The following LGR6 variants were observed in gnomAD, a reference collection of about 807,000 sequenced individuals.
LGR6 encodes the protein leucine-rich repeat-containing G protein-coupled receptor 6.
In LGR6, 45 loss-of-function variants were observed where a neutral mutation model predicts 69.4. The observed-to-expected ratio is 0.65, with a 90% CI of 0.51 to 0.83. The LOEUF (loss-of-function observed/expected upper bound fraction) is 0.83. Among genes scored for constraint, LGR6 ranks in the 40% least tolerant of loss-of-function variants. LGR6 has a pLI of 0.00. For missense variants in LGR6, 1,108 were observed against 1,246.7 expected, an observed-to-expected ratio of 0.89 and a Z score of 1.68; for synonymous variants, 538 against 555.0, an observed-to-expected ratio of 0.97 and a Z score of 0.43.
At chr1:202,215,513 TG>T (rs1217005184) in intron 1 of LGR6, among the ~76,000 whole-genome samples, 4 of 152,106 alleles carry the variant, frequency 2.6e-5, no homozygotes, top group Non-Finnish European at 4.4e-5. Context: ...CCCTCCTAGA[TG>T]GAGCTGGAGA....
chr1:202,240,106 C>G (rs2148017391), intron 4 of LGR6, among the ~76,000 whole-genome samples: 1 of 152,268 alleles, frequency 6.6e-6, no homozygotes, highest in South Asian at 2.1e-4. Context: ...GGCGCAGTGG[C>G]TCACGCCTGT....
chr1:202,212,513 C>T (rs1659500870), intron 1 of LGR6, among the ~76,000 whole-genome samples: 2 of 152,212 alleles, frequency 1.3e-5, no homozygotes, highest in Non-Finnish European at 2.9e-5. Context: ...AGCAGGGCCA[C>T]ATTCCTGTCA....
chr1:202,194,710 G>GGGGGC, intron 1 of LGR6: 8 of 271,648 alleles, frequency 2.9e-5, no homozygotes, highest in Non-Finnish European at 4.5e-5. Context: ...GGGGGCGGGG[G>GGGGGC]GGGCGGGTTT....
intron 9 of LGR6, among the ~76,000 whole-genome samples, chr1:202,302,375 G>A (rs1277730119): frequency 6.6e-6 from 1 of 152,054 alleles, no homozygotes; most frequent in Non-Finnish European, 1.5e-5. Context: ...TCAGATTCTG[G>A]GCTCATTTCT....
Position 202,224,007 on chromosome 1 carries a change from C to T in LGR6, c.213-1416C>T, listed in dbSNP as rs566008826. Among the ~76,000 whole-genome samples the T allele has an allele frequency of 3.8e-3, 576 of 152,048 alleles. 4 individuals are homozygous for T. Among genetic ancestry groups the T allele is most frequent in the African/African-American group, 0.013 (546 of 41,516 alleles). Reference sequence around the variant, plus strand: ...AGCTCACTTAATCTTTACAAGCACCCTACCAGCTTGGTGCTGCCCTATTTT... The same window carrying T: ...AGCTCACTTAATCTTTACAAGCACCTTACCAGCTTGGTGCTGCCCTATTTT... On this transcript the variant is annotated intron_variant, in intron 1 of 17. Coordinates refer to ENST00000367278, the MANE Select transcript of LGR6 (RefSeq NM_001017403.2).
chr1:202,286,951 G>T (rs540123874), intron 6 of LGR6, among the ~76,000 whole-genome samples: 443 of 152,186 alleles, frequency 2.9e-3, no homozygotes, highest in Middle Eastern at 6.8e-3. Context: ...CTGGCAATGG[G>T]GACAAAACTT....
At chr1:202,244,948 G>C (rs1662524189) in intron 4 of LGR6, among the ~76,000 whole-genome samples, 1 of 152,210 alleles carries the variant, frequency 6.6e-6, no homozygotes, top group Non-Finnish European at 1.5e-5. Context: ...GGTTGGAGAA[G>C]GGAGCAACAG....
intron 9 of LGR6, 51 bp downstream of exon 9, chr1:202,301,286 C>T: frequency 1.4e-6 from 2 of 1,440,234 alleles, no homozygotes; most frequent in Non-Finnish European, 2.0e-6. Context: ...CCTTTCCTCA[C>T]TCCTTCTTGC....
rs150972259 is a variant in LGR6 at position 202,287,344 on chromosome 1, A to G, written c.716+6492A>G. Among the ~76,000 whole-genome samples the G allele has an allele frequency of 5.4e-3, 816 of 152,274 alleles. 11 individuals are homozygous for G. Among genetic ancestry groups the G allele is most frequent in the African/African-American group, 0.019 (788 of 41,534 alleles). ...AGTCCTGAGTTCTTTTAAACTTAAC[A>G]TGAATGCACTGTTACCAGCATTTCT... On this transcript the variant is annotated intron_variant, in intron 6 of 17. Coordinates refer to ENST00000367278, the MANE Select transcript of LGR6 (RefSeq NM_001017403.2).
Position 202,243,585 on chromosome 1 carries a change from G to T in LGR6, c.428+7592G>T, listed in dbSNP as rs149102539. ...ATTTACAGACAGACCTGCAGGGGAG[G>T]TGTAGAGCAGGAGGTGACTTGCCTG... On this transcript the variant is annotated intron_variant, in intron 4 of 17. Transcript: ENST00000367278. Among the ~76,000 whole-genome samples, 205 of 152,294 alleles carry T rather than the reference G, an allele frequency of 1.3e-3. 2 individuals are homozygous for T. The highest frequency in any genetic ancestry group is 0.011 in the East Asian group (57 of 5,188).
At chr1:202,295,975 G>A (rs1255757200) in intron 6 of LGR6, among the ~76,000 whole-genome samples, 1 of 151,914 alleles carries the variant, frequency 6.6e-6, no homozygotes, top group East Asian at 1.9e-4. Context: ...CCCTTGGGCT[G>A]GGTTCCTGGC....
At chr1:202,279,809 A>C (rs1329243882) in intron 5 of LGR6, among the ~76,000 whole-genome samples, 2 of 152,256 alleles carry the variant, frequency 1.3e-5, no homozygotes, top group Non-Finnish European at 2.9e-5. Flanking sequence ...TTCAATTTTT[A>C]GCAGTGTCTG....
chr1:202,296,860 A>G (rs573029192), intron 6 of LGR6, among the ~76,000 whole-genome samples: 1 of 152,252 alleles, frequency 6.6e-6, no homozygotes, highest in East Asian at 1.9e-4. Context: ...TTAAATTCCC[A>G]CTAATAATTT....
intron 4 of LGR6, among the ~76,000 whole-genome samples, chr1:202,271,145 G>A (rs951773681): frequency 6.6e-6 from 1 of 152,190 alleles, no homozygotes; most frequent in African/African-American, 2.4e-5. Context: ...GCTCTCTTCA[G>A]CCTGCCAAGC....
chr1:202,204,700 C>G (rs797020852), intron 1 of LGR6, among the ~76,000 whole-genome samples: 1 of 27,602 alleles, frequency 3.6e-5, no homozygotes, highest in African/African-American at 1.3e-4. Context: ...CCCCCAAACA[C>G]ACACACACAC....
At chr1:202,205,580 A>G (rs1207556967) in intron 1 of LGR6, among the ~76,000 whole-genome samples, 1 of 143,168 alleles carries the variant, frequency 7.0e-6, no homozygotes, top group Non-Finnish European at 1.5e-5. Context: ...ACATACACAT[A>G]CACACCCTCC....
intron 1 of LGR6, among the ~76,000 whole-genome samples, chr1:202,201,410 C>T (rs753521230): frequency 3.3e-5 from 5 of 152,212 alleles, no homozygotes; most frequent in South Asian, 2.1e-4. Context: ...GCAGGAAGTG[C>T]GCTCAAGCAC....
At chr1:202,258,157 A>G (rs1353203231) in intron 4 of LGR6, among the ~76,000 whole-genome samples, 1 of 151,936 alleles carries the variant, frequency 6.6e-6, no homozygotes, top group Non-Finnish European at 1.5e-5. Context: ...ATATATATTG[A>G]TCTTATATCT....
chr1:202,317,727 A>G (rs1055184312), intron 17 of LGR6, among the ~76,000 whole-genome samples: 1 of 152,186 alleles, frequency 6.6e-6, no homozygotes, highest in African/African-American at 2.4e-5. Flanking sequence ...AGAGTCGTGT[A>G]TGTCCCACAG....
Sources: gnomAD v4.1 joint callset for allele counts (sites outside exome capture counted in the v4.1 genomes callset) on GRCh38, gnomAD v4.1.1 for gene constraint, MANE v1.5 for transcripts, NCBI Gene and HGNC (gene_info 2026-07-23, HGNC 2026-07-21) for gene names.